Variants in CCDC102B observed in about 807,000 individuals in gnomAD.
CCDC102B encodes coiled-coil domain-containing protein 102B.
CCDC102B carries 75 observed loss-of-function variants against 57.4 expected under a neutral mutation model. That is an observed-to-expected ratio of 1.31 (90% confidence interval 1.08 to 1.58). The LOEUF (loss-of-function observed/expected upper bound fraction) is 1.58, where lower values mean the gene tolerates loss of function less well. Ranked by LOEUF, CCDC102B falls within the 40% of genes most tolerant of loss-of-function variation. The pLI is 0.00. For missense variants in CCDC102B, 636 were observed against 582.6 expected (o/e 1.09, Z -0.94); for synonymous variants, 206 against 201.9 (o/e 1.02, Z -0.17).
intron 2 of CCDC102B, among the ~76,000 whole-genome samples, chr18:68,782,569 T>A (rs1010098039): frequency 2.0e-5 from 3 of 152,142 alleles, no homozygotes; most frequent in Admixed American, 1.3e-4. Flanking sequence ...ATCAGAGTTA[T>A]GATATCCTCA....
At chr18:69,002,279 G>C (rs1180124543) in intron 6 of CCDC102B, among the ~76,000 whole-genome samples, 1 of 152,188 alleles carries the variant, frequency 6.6e-6, no homozygotes, top group Admixed American at 6.5e-5. Context: ...AGGGATACAA[G>C]TGTATATTTT....
intron 2 of CCDC102B, among the ~76,000 whole-genome samples, chr18:68,759,018 C>A (rs950050924): frequency 6.8e-4 from 89 of 131,718 alleles, no homozygotes; most frequent in African/African-American, 2.4e-3. Flanking sequence ...CTAAAAAAAA[C>A]AAAAACAAAC....
chr18:68,932,524 A>G lies in CCDC102B; in HGVS notation c.1263+35096A>G, dbSNP rs976113961. Reference sequence around the variant, plus strand: ...ACCTTAAAATGCATCCTTGGTGTATACAATTATTTTAGTATGTTCCTTAGA... The same window carrying G: ...ACCTTAAAATGCATCCTTGGTGTATGCAATTATTTTAGTATGTTCCTTAGA... On this transcript the variant is annotated intron_variant, in intron 6 of 7. Transcript: ENST00000360242. 4.0e-5 allele frequency among the ~76,000 whole-genome samples: 6 copies of G among 151,880 alleles called. No homozygotes were observed. The South Asian group carries it at 6.2e-4, about 16-fold the overall frequency.
chr18:68,719,474 A>G (rs2032206593), intron 2 of CCDC102B, among the ~76,000 whole-genome samples: 1 of 152,182 alleles, frequency 6.6e-6, no homozygotes, highest in African/African-American at 2.4e-5. Context: ...CCCAAGAACC[A>G]GGAGTAGTGA....
chr18:68,800,192 AAAGT>A (rs1408996344), intron 1 of CCDC102B, among the ~76,000 whole-genome samples: 2 of 152,180 alleles, frequency 1.3e-5, no homozygotes, highest in African/African-American at 4.8e-5. Flanking sequence ...ACAGATAAAG[AAAGT>A]GAGGGAACCA....
intron 1 of CCDC102B, among the ~76,000 whole-genome samples, chr18:68,821,569 C>G (rs1028653629): frequency 2.4e-5 from 3 of 124,034 alleles, no homozygotes; most frequent in African/African-American, 3.3e-5. Context: ...GGAAAGTTAG[C>G]TCATGCACTG....
At chr18:68,783,042 C>T (rs1599453173) in intron 2 of CCDC102B, among the ~76,000 whole-genome samples, 1 of 152,266 alleles carries the variant, frequency 6.6e-6, no homozygotes, top group African/African-American at 2.4e-5. Context: ...GATTCACAAT[C>T]ATCTTTTCAA....
At chr18:68,761,306 T>C (rs114808860) in intron 2 of CCDC102B, among the ~76,000 whole-genome samples, 6 of 152,216 alleles carry the variant, frequency 3.9e-5, no homozygotes, top group Non-Finnish European at 7.4e-5. Context: ...AGTCTTTATG[T>C]AGTACTTCTT....
intron 2 of CCDC102B, among the ~76,000 whole-genome samples, chr18:68,736,228 T>G (rs1387419460): frequency 6.6e-6 from 1 of 152,210 alleles, no homozygotes; most frequent in Non-Finnish European, 1.5e-5. Context: ...AACTACCCAG[T>G]GGATGTCACT....
At chr18:69,019,843 G>A (rs1023756160) in intron 7 of CCDC102B, among the ~76,000 whole-genome samples, 5 of 152,072 alleles carry the variant, frequency 3.3e-5, no homozygotes, top group Non-Finnish European at 7.4e-5. Flanking sequence ...TATTTATCAT[G>A]AGGATTTTAT....
At chr18:69,010,823 T>C in intron 6 of CCDC102B, 111 bp from the exon 7 acceptor site, 1 of 668,674 alleles carries the variant, frequency 1.5e-6, no homozygotes, top group East Asian at 2.8e-5. Context: ...AGATGATGGC[T>C]CATCTAAATT....
intron 6 of CCDC102B, among the ~76,000 whole-genome samples, chr18:69,005,806 A>ATG (rs1219172394): frequency 6.6e-6 from 1 of 151,366 alleles, no homozygotes; most frequent in African/African-American, 2.4e-5. Context: ...CTATTAAAAT[A>ATG]TGTATATATA....
chr18:69,050,995 C>G (rs2052690319), intron 7 of CCDC102B, among the ~76,000 whole-genome samples: 1 of 152,130 alleles, frequency 6.6e-6, no homozygotes, highest in Non-Finnish European at 1.5e-5. Context: ...AGCCATCTTC[C>G]TGCCTCAGCT....
At chr18:69,037,668 T>A (rs1259725402) in intron 7 of CCDC102B, among the ~76,000 whole-genome samples, 1 of 151,828 alleles carries the variant, frequency 6.6e-6, no homozygotes, top group African/African-American at 2.4e-5. Flanking sequence ...AGAGAAAGAG[T>A]AAAACAAACA....
intron 1 of CCDC102B, among the ~76,000 whole-genome samples, chr18:68,804,900 T>A (rs1309773676): frequency 1.6e-4 from 24 of 150,626 alleles, no homozygotes; most frequent in Non-Finnish European, 2.9e-5. Flanking sequence ...TATTATAGCA[T>A]GTGCATTTGC....
At chr18:68,958,326 A>T (rs1306774180) in intron 6 of CCDC102B, among the ~76,000 whole-genome samples, 1 of 152,162 alleles carries the variant, frequency 6.6e-6, no homozygotes, top group Non-Finnish European at 1.5e-5. Flanking sequence ...CATCAATTGA[A>T]ATTATCATAT....
At chr18:68,747,449 T>G (rs1393578238) in intron 2 of CCDC102B, among the ~76,000 whole-genome samples, 4 of 152,130 alleles carry the variant, frequency 2.6e-5, no homozygotes, top group East Asian at 1.9e-4. Context: ...AGGCATGGTG[T>G]TGTACAGATT....
intron 6 of CCDC102B, among the ~76,000 whole-genome samples, chr18:68,978,101 T>C (rs1375344041): frequency 6.6e-6 from 1 of 152,086 alleles, no homozygotes; most frequent in Non-Finnish European, 1.5e-5. Flanking sequence ...ATTAAATGTT[T>C]AATAAATGTG....
intron 2 of CCDC102B, among the ~76,000 whole-genome samples, chr18:68,757,659 T>G (rs2034098519): frequency 6.6e-6 from 1 of 152,190 alleles, no homozygotes; most frequent in African/African-American, 2.4e-5. Context: ...TCCTCACACA[T>G]TAAACATTAC....
Sources: allele counts gnomAD v4.1 joint callset (sites outside exome capture counted in the v4.1 genomes callset), GRCh38; gene constraint gnomAD v4.1.1; transcripts MANE v1.5; gene names NCBI Gene and HGNC (gene_info 2026-07-23, HGNC 2026-07-21).